Variants in JPH3 observed in about 807,000 individuals in gnomAD.
JPH3 encodes junctophilin-3.
In JPH3, 11 loss-of-function variants were observed where a neutral mutation model predicts 59.6. The observed-to-expected ratio is 0.18, with a 90% CI of 0.12 to 0.31. The LOEUF (loss-of-function observed/expected upper bound fraction) is 0.31. JPH3 is among the 10% of genes least tolerant of loss of function. JPH3 has a pLI of 1.00. For synonymous variants in JPH3, 673 were observed against 483.6 expected (o/e 1.39, Z -5.14); for missense variants, 1,202 against 1,105.7 (o/e 1.09, Z -1.24).
At chr16:87,620,375 G>A (rs1172343631) in intron 1 of JPH3, among the ~76,000 whole-genome samples, 5 of 150,224 alleles carry the variant, frequency 3.3e-5, no homozygotes, top group Non-Finnish European at 7.4e-5. Flanking sequence ...CGGGGACGGG[G>A]GGCAAAGGGA....
At chr16:87,610,697 G>C (rs181925872) in intron 1 of JPH3, among the ~76,000 whole-genome samples, 1 of 152,280 alleles carries the variant, frequency 6.6e-6, no homozygotes, top group East Asian at 1.9e-4. Flanking sequence ...CTAATTCCTT[G>C]ATCAGTTTTG....
intron 2 of JPH3, among the ~76,000 whole-genome samples, chr16:87,667,428 G>A (rs1423427724): frequency 1.3e-5 from 2 of 152,210 alleles, no homozygotes; most frequent in Non-Finnish European, 2.9e-5. Context: ...CCGAACAATC[G>A]TCCTTCTGTC....
In JPH3 at chr16:87,620,460, GA is replaced by G. The variant is rs1252117958; in HGVS notation, c.382+16933del. Among the ~76,000 whole-genome samples the G allele has an allele frequency of 1.5e-4, 21 of 139,736 alleles. No homozygotes were observed. The East Asian group carries it at 1.8e-3, about 12-fold the overall frequency. 91.7% of individuals were successfully genotyped at this position (139,736 alleles called of 152,430 possible). A position where few individuals can be genotyped will look rare whatever the true frequency, so the allele number is the denominator to read the frequency against. Reference sequence around the variant, plus strand: ...GGAGGGAGAGAGAGAGAGAAGGAGAGAGAGGGAGAGAAGGAGAGAAGAGAGG... The same window carrying G: ...GGAGGGAGAGAGAGAGAGAAGGAGAGGAGGGAGAGAAGGAGAGAAGAGAGG... On this transcript the variant is annotated intron_variant, in intron 1 of 4. Coordinates refer to ENST00000284262, the MANE Select transcript of JPH3 (RefSeq NM_020655.4).
chr16:87,652,901 C>G (rs760732047), intron 2 of JPH3, among the ~76,000 whole-genome samples: 3 of 152,256 alleles, frequency 2.0e-5, no homozygotes, highest in Non-Finnish European at 4.4e-5. Context: ...CCTGCACCCA[C>G]TACAGACACA....
At chr16:87,692,948 C>A (rs1219724022) in intron 4 of JPH3, among the ~76,000 whole-genome samples, 1 of 152,238 alleles carries the variant, frequency 6.6e-6, no homozygotes, top group African/African-American at 2.4e-5. Flanking sequence ...TAGCATCCGG[C>A]CCTTCCTCCT....
Position 87,696,387 on chromosome 16 carries a change from C to T in JPH3, c.2167-193C>T, listed in dbSNP as rs957946696. The T allele has an allele frequency of 6.7e-6, 4 of 599,622 alleles. No individual in the cohort carries two copies. In the East Asian group the frequency reaches 1.1e-4, roughly 17 times the overall value. The allele number at this position is 599,622 out of a possible 1,614,324, so 37.1% of individuals were successfully genotyped here. A position where few individuals can be genotyped will look rare whatever the true frequency, so the allele number is the denominator to read the frequency against. ...TCAGACGTACAGGCAGCTGGGGCTTCTCTCCCGCGTCTGGACTTCACGGAG... is the reference window on the plus strand; with the variant it reads ...TCAGACGTACAGGCAGCTGGGGCTTTTCTCCCGCGTCTGGACTTCACGGAG... On this transcript the variant is annotated intron_variant, in intron 4 of 4. Coordinates refer to ENST00000284262, the MANE Select transcript of JPH3 (RefSeq NM_020655.4).
chr16:87,644,469 C>A lies in JPH3; in HGVS notation c.594C>A (p.Leu198=). Residue 198 remains leucine, a synonymous_variant, in exon 2 of 5, where the codon CTC becomes CTA. Transcript: ENST00000284262. The part of the protein sequence containing the change: ...SPAVSRGGFV[L]VAHSDSEILK... ...CCGTGTCCCGCGGGGGCTTCGTGCT[C>A]GTGGCCCACAGTGACTCCGAGATCC... The A allele has an allele frequency of 3.7e-6, 6 of 1,612,752 alleles. No individual in the cohort carries two copies. The highest frequency in any genetic ancestry group is 5.1e-6 in the Non-Finnish European group (6 of 1,179,772).
intron 1 of JPH3, among the ~76,000 whole-genome samples, chr16:87,622,535 GAGCTCC>G (rs1286952807): frequency 1.3e-5 from 2 of 152,212 alleles, no homozygotes; most frequent in Non-Finnish European, 2.9e-5. Flanking sequence ...CCGGGAAGTA[GAGCTCC>G]CCTCTGTGAG....
At chr16:87,655,015 G>T (rs543979068) in intron 2 of JPH3, 1 of 152,224 alleles carries the variant, frequency 6.6e-6, no homozygotes, top group Non-Finnish European at 1.5e-5. Context: ...GGCATGGCCC[G>T]GCAAGTTTCC....
Position 87,602,884 on chromosome 16 carries a change from T to TCCCCCCCCCCC in JPH3, c.-261_-260insCCCCCCCCCCC. On this transcript the variant is annotated 5_prime_UTR_variant, in exon 1 of 5. Transcript: ENST00000284262. ...CCTCCCTCCTCCCCTCCCCCTCCCCTCCGGTCCTGTCTCCAGCGGGAGCGC... is the reference window on the plus strand; with the variant it reads ...CCTCCCTCCTCCCCTCCCCCTCCCCTCCCCCCCCCCCCCGGTCCTGTCTCCAGCGGGAGCGC... 3.8e-5 allele frequency: 1 copy of TCCCCCCCCCCC among 26,374 alleles called. No individual in the cohort carries two copies. 1.6% of individuals were successfully genotyped at this position (26,374 alleles called of 1,614,324 possible).
chr16:87,696,939 CAG>C lies in JPH3; in HGVS notation c.*281_*282del, dbSNP rs2033889218. On this transcript the variant is annotated 3_prime_UTR_variant, in exon 5 of 5. Transcript: ENST00000284262. Reference sequence around the variant, plus strand: ...CAGCCCCTCCAGCTCCACGTGGAGACAGAAGGGATCCCGGCACATCAGTGGTA... The same window carrying C: ...CAGCCCCTCCAGCTCCACGTGGAGACAAGGGATCCCGGCACATCAGTGGTA... 5 of 438,962 alleles carry C rather than the reference CAG, an allele frequency of 1.1e-5. No homozygotes were observed. The East Asian group carries it at 2.3e-4, about 20-fold the overall frequency. 27.2% of individuals were successfully genotyped at this position (438,962 alleles called of 1,614,324 possible). A position where few individuals can be genotyped will look rare whatever the true frequency, so the allele number is the denominator to read the frequency against.
At chr16:87,627,937 C>G (rs775784573) in intron 1 of JPH3, among the ~76,000 whole-genome samples, 1 of 152,258 alleles carries the variant, frequency 6.6e-6, no homozygotes, top group Non-Finnish European at 1.5e-5. Context: ...CCAGGCCAGC[C>G]TGTGGGCCCC....
chr16:87,603,664 C>A, intron 1 of JPH3, 136 bp downstream of exon 1: 11 of 1,127,454 alleles, frequency 9.8e-6, no homozygotes, highest in African/African-American at 1.6e-5. Context: ...CCGGGCTTCC[C>A]TGGAAGCCAC....
chr16:87,658,533 G>C (rs1311569667), intron 2 of JPH3, among the ~76,000 whole-genome samples: 4 of 151,448 alleles, frequency 2.6e-5, no homozygotes, highest in Non-Finnish European at 5.9e-5. Flanking sequence ...TTCTGCTTTT[G>C]TTCCCCCTTC....
chr16:87,659,074 C>G (rs762543583), intron 2 of JPH3, among the ~76,000 whole-genome samples: 1 of 152,180 alleles, frequency 6.6e-6, no homozygotes, highest in East Asian at 1.9e-4. Flanking sequence ...CTGGCTTTGT[C>G]GCGACGGCTG....
chr16:87,651,882 C>G (rs998688258), intron 2 of JPH3, among the ~76,000 whole-genome samples: 1 of 152,218 alleles, frequency 6.6e-6, no homozygotes, highest in African/African-American at 2.4e-5. Context: ...GAAGCTCTAC[C>G]GTGAGTCAAA....
chr16:87,644,011 G>A (rs567836282), intron 1 of JPH3, among the ~76,000 whole-genome samples: 58 of 152,298 alleles, frequency 3.8e-4, no homozygotes, highest in Middle Eastern at 3.4e-3. Context: ...GGTGGTGCAC[G>A]CCTGTAGTCC....
intron 1 of JPH3, among the ~76,000 whole-genome samples, chr16:87,633,929 A>T: frequency 6.6e-6 from 1 of 152,208 alleles, no homozygotes; most frequent in East Asian, 1.9e-4. Flanking sequence ...ATTTCATTCT[A>T]GGAATTTATC....
In JPH3 at chr16:87,689,819, A is replaced by ACCCCGCCGCCCGCGCCCG; in HGVS notation, c.1462_1479dup (p.Pro488_Ala493dup). On this transcript the variant is annotated inframe_insertion, in exon 4 of 5. Coordinates refer to ENST00000284262, the MANE Select transcript of JPH3 (RefSeq NM_020655.4). ...GAGCTTCCCCACCAGCCCCGCGGCC[A>ACCCCGCCGCCCGCGCCCG]CCCCGCCGCCCGCGCCCGCCGCCAG... The ACCCCGCCGCCCGCGCCCG allele has an allele frequency of 6.5e-7, 1 of 1,545,788 alleles. No individual in the cohort carries two copies.
Sources: gnomAD v4.1 joint callset for allele counts (sites outside exome capture counted in the v4.1 genomes callset) on GRCh38, gnomAD v4.1.1 for gene constraint, MANE v1.5 for transcripts, NCBI Gene and HGNC (gene_info 2026-07-23, HGNC 2026-07-21) for gene names.